MYO16: variants seen among roughly 807,000 people sequenced by gnomAD.
The protein encoded by MYO16 is unconventional myosin-XVI.
MYO16 carries 94 observed loss-of-function variants against 205.3 expected under a neutral mutation model. That is an observed-to-expected ratio of 0.46 (90% CI 0.39 to 0.54). MYO16 has a LOEUF of 0.54. MYO16 is among the 20% of genes least tolerant of loss of function. The pLI is 0.00. For missense variants in MYO16, 2,315 were observed against 2,387.5 expected (o/e 0.97, Z 0.63); for synonymous variants, 988 against 954.0 (o/e 1.04, Z -0.66).
chr13:109,116,883 A>G (rs1875716844), intron 28 of MYO16, among the ~76,000 whole-genome samples: 1 of 152,260 alleles, frequency 6.6e-6, no homozygotes, highest in Non-Finnish European at 1.5e-5. Context: ...AGGAGTTGGA[A>G]GGGTGGACCT....
chr13:108,893,015 A>G (rs1163716474), intron 14 of MYO16, among the ~76,000 whole-genome samples: 1 of 152,236 alleles, frequency 6.6e-6, no homozygotes, highest in Non-Finnish European at 1.5e-5. Flanking sequence ...CTCATGACAC[A>G]TAAAAGATTC....
At chr13:108,669,288 G>A (rs1295404416) in intron 2 of MYO16, among the ~76,000 whole-genome samples, 1 of 152,094 alleles carries the variant, frequency 6.6e-6, no homozygotes, top group East Asian at 1.9e-4. Context: ...CAAGCAGGAG[G>A]AAGCCTGAGA....
At chr13:108,564,475 G>C in the MYO16 span, among the ~76,000 whole-genome samples, 6 of 151,988 alleles carry the variant, frequency 3.9e-5, no homozygotes, top group Non-Finnish European at 7.4e-5. Flanking sequence ...GGTCCCTATT[G>C]CCCATTTTAA....
intron 28 of MYO16, among the ~76,000 whole-genome samples, chr13:109,114,497 T>C (rs2139745642): frequency 6.6e-6 from 1 of 152,310 alleles, no homozygotes; most frequent in South Asian, 2.1e-4. Flanking sequence ...CCTTTTTCTC[T>C]TGAAAACTGA....
At chr13:108,735,109 C>T (rs974076838) in intron 4 of MYO16, among the ~76,000 whole-genome samples, 2 of 152,014 alleles carry the variant, frequency 1.3e-5, no homozygotes, top group African/African-American at 4.8e-5. Context: ...CTTATAAGTT[C>T]TTTTTATTTA....
chr13:108,574,019 T>C, the MYO16 span, among the ~76,000 whole-genome samples: 2 of 151,904 alleles, frequency 1.3e-5, no homozygotes, highest in Non-Finnish European at 2.9e-5. Context: ...CCTGGCTAAT[T>C]TTTCTATTAT....
intron 16 of MYO16, among the ~76,000 whole-genome samples, chr13:108,925,288 C>T (rs958299693): frequency 2.0e-5 from 3 of 152,092 alleles, no homozygotes; most frequent in East Asian, 1.9e-4. Context: ...GCAATTGGGG[C>T]GAGTGTCACA....
chr13:108,969,531 G>A (rs868194798), intron 20 of MYO16, among the ~76,000 whole-genome samples: 7 of 152,240 alleles, frequency 4.6e-5, no homozygotes, highest in Admixed American at 1.3e-4. Flanking sequence ...ATCCAAAGGC[G>A]TGTGGCCCTC....
chr13:109,183,392 G>A (rs1336609604), intron 34 of MYO16, among the ~76,000 whole-genome samples: 3 of 152,226 alleles, frequency 2.0e-5, no homozygotes, highest in African/African-American at 7.2e-5. Flanking sequence ...AGGATGGCCT[G>A]AAGGCAGAAT....
intron 2 of MYO16, among the ~76,000 whole-genome samples, chr13:108,668,609 C>T (rs545716982): frequency 5.3e-5 from 8 of 152,304 alleles, no homozygotes; most frequent in Non-Finnish European, 7.4e-5. Flanking sequence ...CCCCCTCCTC[C>T]GTCTCCAACA....
rs763592821 is a variant in MYO16, at chr13:108,992,355, TG to T, written c.2370-19del. The stretch of plus-strand genomic sequence containing the variant: ...GAGTTTTAAGGATGCCCATTTATCC[TG>T]GTGTATTGTTTTGTTTCAGCATGCA... On this transcript the variant is annotated intron_variant, in intron 20 of 34. Coordinates refer to ENST00000457511, the MANE Select transcript of MYO16 (RefSeq NM_001198950.3). The T allele has an allele frequency of 1.9e-6, 3 of 1,584,232 alleles. No homozygotes were observed. The highest frequency in any genetic ancestry group is 4.5e-5 in the East Asian group (2 of 44,322).
chr13:108,673,032 T>C (rs995857825), intron 2 of MYO16, among the ~76,000 whole-genome samples: 36 of 152,088 alleles, frequency 2.4e-4, no homozygotes, highest in African/African-American at 7.0e-4. Context: ...TAGGTACATA[T>C]GTTATTGAAA....
chr13:108,555,778 T>C, the MYO16 span, among the ~76,000 whole-genome samples: 1 of 152,190 alleles, frequency 6.6e-6, no homozygotes, highest in African/African-American at 2.4e-5. Flanking sequence ...CTTCCACTGG[T>C]CATTATTCTA....
At chr13:108,851,306 G>C (rs1333196851) in intron 10 of MYO16, among the ~76,000 whole-genome samples, 1 of 152,178 alleles carries the variant, frequency 6.6e-6, no homozygotes, top group African/African-American at 2.4e-5. Context: ...TGCCTACATA[G>C]TTTTGGGGGT....
the MYO16 span, among the ~76,000 whole-genome samples, chr13:108,576,262 G>A: frequency 2.0e-5 from 3 of 152,284 alleles, no homozygotes; most frequent in East Asian, 5.8e-4. Flanking sequence ...GCTCCTAGAA[G>A]GAGGAATCCT....
chr13:108,673,365 C>CT (rs10709309), intron 2 of MYO16, among the ~76,000 whole-genome samples: 685 of 134,722 alleles, frequency 5.1e-3, no homozygotes, highest in African/African-American at 0.011. Context: ...GTTCTTCTTC[C>CT]TTTTTTTTTT....
chr13:108,609,488 T>G (rs1237428587), intron 1 of MYO16, among the ~76,000 whole-genome samples: 2 of 152,058 alleles, frequency 1.3e-5, no homozygotes, highest in African/African-American at 4.8e-5. Context: ...ATCAGCCAAG[T>G]GAATGAATGA....
chr13:108,650,607 A>G (rs2139399951), intron 1 of MYO16, among the ~76,000 whole-genome samples: 1 of 152,322 alleles, frequency 6.6e-6, no homozygotes, highest in Non-Finnish European at 1.5e-5. Context: ...GAGCATCTAA[A>G]TTTATTTTAC....
intron 20 of MYO16, 106 bp from the exon 21 acceptor site, chr13:108,992,270 C>A: frequency 1.6e-6 from 1 of 629,932 alleles, no homozygotes; most frequent in Non-Finnish European, 2.6e-6. Context: ...TCCAAATTGG[C>A]AGCAATGTGC....
Sources: gnomAD v4.1 joint callset for allele counts (sites outside exome capture counted in the v4.1 genomes callset) on GRCh38, gnomAD v4.1.1 for gene constraint, MANE v1.5 for transcripts, NCBI Gene and HGNC (gene_info 2026-07-23, HGNC 2026-07-21) for gene names.